Variants in ADAMTSL1 observed in about 807,000 individuals in gnomAD.
The protein encoded by ADAMTSL1 is ADAMTS-like protein 1.
ADAMTSL1 carries 126 observed loss-of-function variants against 201.8 expected under a neutral mutation model. That is an observed-to-expected ratio of 0.62 (90% CI 0.54 to 0.72). The LOEUF (loss-of-function observed/expected upper bound fraction) is 0.72, where lower values mean the gene tolerates loss of function less well. ADAMTSL1 is among the 30% of genes least tolerant of loss of function. ADAMTSL1 has a pLI of 0.00. For synonymous variants in ADAMTSL1, 1,121 were observed against 903.4 expected, an observed-to-expected ratio of 1.24 and a Z score of -4.32; for missense variants, 2,679 against 2,277.8, an observed-to-expected ratio of 1.18 and a Z score of -3.59.
chr9:18,197,004 C>T (rs1829209895), intron 2 of ADAMTSL1, among the ~76,000 whole-genome samples: 2 of 152,106 alleles, frequency 1.3e-5, no homozygotes, highest in Non-Finnish European at 2.9e-5. Context: ...TGTTCGTTTC[C>T]TTCAAAGTGC....
chr9:18,147,783 G>T (rs2062601112), intron 1 of ADAMTSL1, among the ~76,000 whole-genome samples: 1 of 152,048 alleles, frequency 6.6e-6, no homozygotes, highest in African/African-American at 2.4e-5. Flanking sequence ...TTCCACATAA[G>T]TAGGCATGAA....
intron 2 of ADAMTSL1, among the ~76,000 whole-genome samples, chr9:18,216,650 T>C (rs79053128): frequency 3.9e-5 from 2 of 51,316 alleles, no homozygotes; most frequent in Non-Finnish European, 9.9e-5. Context: ...TTGCTCTCCT[T>C]TTTTTTTTTT....
At chr9:17,929,810 A>C (rs1026449174) in intron 1 of ADAMTSL1, among the ~76,000 whole-genome samples, 1 of 151,892 alleles carries the variant, frequency 6.6e-6, no homozygotes, top group Admixed American at 6.6e-5. Context: ...CACAATGCCC[A>C]TTTTCTTTCT....
intron 23 of ADAMTSL1, among the ~76,000 whole-genome samples, chr9:18,852,754 C>T (rs891920990): frequency 2.6e-5 from 4 of 152,184 alleles, no homozygotes; most frequent in Admixed American, 6.5e-5. Context: ...CTGCCTTTCT[C>T]ATCAGTATAG....
intron 12 of ADAMTSL1, among the ~76,000 whole-genome samples, chr9:18,683,780 G>A (rs540634562): frequency 5.3e-4 from 81 of 152,320 alleles, no homozygotes; most frequent in African/African-American, 1.9e-3. Context: ...GCAGTTTGCA[G>A]TTAACTATCA....
At chr9:18,564,368 G>C (rs910862216) in intron 3 of ADAMTSL1, among the ~76,000 whole-genome samples, 1 of 152,112 alleles carries the variant, frequency 6.6e-6, no homozygotes, top group Non-Finnish European at 1.5e-5. Context: ...CCAGTGAGAT[G>C]ACCGGGGTAC....
intron 1 of ADAMTSL1, among the ~76,000 whole-genome samples, chr9:17,932,545 A>C (rs1826837773): frequency 6.6e-6 from 1 of 152,130 alleles, no homozygotes; most frequent in Non-Finnish European, 1.5e-5. Context: ...TATCTCTCTG[A>C]ATTTTGAAGA....
Position 18,537,898 on chromosome 9 carries a change from AAAGAAG to A in ADAMTSL1, c.237+4620_237+4625del, listed in dbSNP as rs148366598. 1.6e-4 allele frequency among the ~76,000 whole-genome samples: 24 copies of A among 146,082 alleles called. 1 individual carries two copies. Among genetic ancestry groups the A allele is most frequent in the African/African-American group, 3.4e-4 (13 of 38,016 alleles). On this transcript the variant is annotated intron_variant, in intron 3 of 28. Coordinates refer to ENST00000380548, the MANE Select transcript of ADAMTSL1 (RefSeq NM_001040272.6). ...CTATTTAAAAAAAAAAAAAAAGAAG[AAAGAAG>A]AAGAAGAAGAAGAGAAGAAAGAAGA...
In ADAMTSL1 at chr9:18,853,918, T is replaced by TGTGTGTGTGTGTGCGCGCGC. The variant is rs139332733; in HGVS notation, c.4249+23942_4249+23943insTGTGTGTGTGTGCGCGCGCG. Among the ~76,000 whole-genome samples, 52 of 145,490 alleles carry TGTGTGTGTGTGTGCGCGCGC rather than the reference T, an allele frequency of 3.6e-4. 1 individual carries two copies. The highest frequency in any genetic ancestry group is 1.0e-3 in the East Asian group (5 of 4,978). Reference sequence around the variant, plus strand: ...GTGTGTGTGTGTGTGTGTGTGTGTGTGCGCGTGCATGCAAATAGTTGATTA... The same window carrying TGTGTGTGTGTGTGCGCGCGC: ...GTGTGTGTGTGTGTGTGTGTGTGTGTGTGTGTGTGTGTGCGCGCGCGCGCGTGCATGCAAATAGTTGATTA... On this transcript the variant is annotated intron_variant, in intron 23 of 28. Transcript: ENST00000380548.
chr9:18,132,117 A>G (rs185073604), intron 1 of ADAMTSL1, among the ~76,000 whole-genome samples: 14 of 152,168 alleles, frequency 9.2e-5, no homozygotes, highest in African/African-American at 3.4e-4. Context: ...CAAAATGTCT[A>G]CCATAGCAAT....
chr9:18,179,735 A>G (rs1167535165), intron 2 of ADAMTSL1, among the ~76,000 whole-genome samples: 1 of 152,192 alleles, frequency 6.6e-6, no homozygotes, highest in Non-Finnish European at 1.5e-5. Context: ...ATTCTTAAAG[A>G]AAAGAATTTT....
At chr9:18,784,047 A>G (rs1174794467) in intron 19 of ADAMTSL1, among the ~76,000 whole-genome samples, 2 of 152,132 alleles carry the variant, frequency 1.3e-5, no homozygotes, top group Non-Finnish European at 2.9e-5. Flanking sequence ...TTCATCTCTT[A>G]CCATATCCTT....
chr9:18,003,781 A>G (rs1819706417), intron 1 of ADAMTSL1, among the ~76,000 whole-genome samples: 2 of 152,092 alleles, frequency 1.3e-5, no homozygotes, highest in Admixed American at 6.6e-5. Context: ...GAAACGAATG[A>G]GCCTTCTGTG....
intron 2 of ADAMTSL1, among the ~76,000 whole-genome samples, chr9:18,421,211 C>A (rs540169145): frequency 6.6e-6 from 1 of 152,116 alleles, no homozygotes; most frequent in Non-Finnish European, 1.5e-5. Flanking sequence ...AAATCCTTGA[C>A]TATTTATAAT....
At chr9:18,609,128 C>G (rs1313356905) in intron 4 of ADAMTSL1, among the ~76,000 whole-genome samples, 1 of 152,082 alleles carries the variant, frequency 6.6e-6, no homozygotes. Flanking sequence ...TATGAGAAAT[C>G]TCTATTTTGT....
At chr9:18,135,860 G>T (rs1398315128) in intron 1 of ADAMTSL1, among the ~76,000 whole-genome samples, 2 of 152,084 alleles carry the variant, frequency 1.3e-5, no homozygotes, top group African/African-American at 4.8e-5. Context: ...CTGATGCAGT[G>T]CCTTCCATGC....
chr9:18,519,875 G>A (rs916419983), intron 2 of ADAMTSL1, among the ~76,000 whole-genome samples: 2 of 152,194 alleles, frequency 1.3e-5, no homozygotes, highest in Non-Finnish European at 2.9e-5. Flanking sequence ...ATGGTCTACA[G>A]TGTCATCATT....
At chr9:18,174,307 C>G (rs1312119050) in intron 2 of ADAMTSL1, among the ~76,000 whole-genome samples, 1 of 152,068 alleles carries the variant, frequency 6.6e-6, no homozygotes, top group Non-Finnish European at 1.5e-5. Context: ...CCATGTCTGA[C>G]TTAGTCATGT....
chr9:18,139,996 G>T (rs1331086), intron 1 of ADAMTSL1, among the ~76,000 whole-genome samples: 2,425 of 152,188 alleles, frequency 0.016, 41 homozygotes, highest in African/African-American at 0.042. Flanking sequence ...ATAAAAATTT[G>T]CAATGTATTG....
Sources: gnomAD v4.1 joint callset for allele counts (sites outside exome capture counted in the v4.1 genomes callset) on GRCh38, gnomAD v4.1.1 for gene constraint, MANE v1.5 for transcripts, NCBI Gene and HGNC (gene_info 2026-07-23, HGNC 2026-07-21) for gene names.